AGPAT1: variants seen among roughly 807,000 people sequenced by gnomAD.
AGPAT1 encodes 1-acylglycerol-3-phosphate O-acyltransferase 1.
In AGPAT1, 6 loss-of-function variants were observed where a neutral mutation model predicts 31.2. The ratio of observed to expected loss-of-function variants is 0.19; its 90% CI spans 0.11 to 0.38. AGPAT1 has a LOEUF of 0.38. AGPAT1 is among the 10% of genes least tolerant of loss of function. AGPAT1 has a pLI of 1.00. For missense variants in AGPAT1, 187 were observed against 377.8 expected, an observed-to-expected ratio of 0.49 and a Z score of 4.19; for synonymous variants, 139 against 154.0, an observed-to-expected ratio of 0.90 and a Z score of 0.72.
rs563827769 is a variant in AGPAT1 at position 32,174,371 on chromosome 6, G to A, written c.-10+1443C>T. 1.1e-4 allele frequency among the ~76,000 whole-genome samples: 16 copies of A among 152,260 alleles called. No homozygotes were observed. The highest frequency in any genetic ancestry group is 3.9e-4 in the African/African-American group (16 of 41,536). The stretch of plus-strand genomic sequence containing the variant: ...GAACACACCAAGCCTAATGGTAACC[G>A]ACTCTGAATAGATACATGCAATACA... On this transcript the variant is annotated intron_variant, in intron 1 of 6. Transcript: ENST00000375107. This position sits in a 1 kb window ranked among gnomAD's most constrained non-coding sequence, Gnocchi z 4.5.
chr6:32,175,831 C>T lies in AGPAT1; in HGVS notation c.-27G>A. On this transcript the variant is annotated 5_prime_UTR_variant, in exon 1 of 7. Transcript: ENST00000375107. The surrounding 1 kb of genome is among the most constrained non-coding windows in gnomAD (Gnocchi z 4.5). Reference sequence around the variant, plus strand: ...GCCCACACCTCAGAGGGGTAGGGGGCCTGGGGGGCTGGCCCCCTCCCCAGC... The same window carrying T: ...GCCCACACCTCAGAGGGGTAGGGGGTCTGGGGGGCTGGCCCCCTCCCCAGC... 2.0e-6 allele frequency: 2 copies of T among 986,066 alleles called. No individual in the cohort carries two copies. Among genetic ancestry groups the T allele is most frequent in the African/African-American group, 1.7e-5 (1 of 57,350 alleles). 61.1% of individuals were successfully genotyped at this position (986,066 alleles called of 1,614,324 possible).
rs2127417752 is a variant in AGPAT1 at position 32,172,584 on chromosome 6, T to C, written c.-9-1079A>G. Among the ~76,000 whole-genome samples, 1 of 152,338 alleles carries C rather than the reference T, an allele frequency of 6.6e-6. No individual in the cohort carries two copies. Among genetic ancestry groups the C allele is most frequent in the African/African-American group, 2.4e-5 (1 of 41,576 alleles). On this transcript the variant is annotated intron_variant, in intron 1 of 6. Transcript: ENST00000375107. The surrounding 1 kb of genome is among the most constrained non-coding windows in gnomAD (Gnocchi z 4.3). ...AGGCTAAATAACTTACCTGAGGTCA[T>C]ACAGCTCCTAAACAGCAGTTTCTAG...
At chr6:32,176,487 A>ATG (rs1785568581), upstream of AGPAT1, 1 of 985,270 alleles carries the variant, frequency 1.0e-6, no homozygotes, top group East Asian at 1.1e-4. Flanking sequence ...TCAATTCTAA[A>ATG]CATTTATCAA....
At chr6:32,176,419 G>C (rs533675645), upstream of AGPAT1, 128 of 869,714 alleles carry the variant, frequency 1.5e-4, 3 homozygotes, top group South Asian at 2.0e-3. Context: ...TCTCAACTCC[G>C]GTTATCTGCT....
Position 32,171,633 on chromosome 6 carries a change from G to T in AGPAT1, c.-9-128C>A, listed in dbSNP as rs1785115484. Reference sequence around the variant, plus strand: ...GGCCTGAGACACAAACTGGGGCAGGGGTCTCATTGAAACCTTCCCAGGAAG... The same window carrying T: ...GGCCTGAGACACAAACTGGGGCAGGTGTCTCATTGAAACCTTCCCAGGAAG... On this transcript the variant is annotated intron_variant, in intron 1 of 6. Transcript: ENST00000375107. This position sits in a 1 kb window ranked among gnomAD's most constrained non-coding sequence, Gnocchi z 6.9. The T allele has an allele frequency of 7.6e-7, 1 of 1,309,058 alleles. No homozygotes were observed. Among genetic ancestry groups the T allele is most frequent in the Admixed American group, 2.2e-5 (1 of 46,006 alleles). 81.1% of individuals were successfully genotyped at this position (1,309,058 alleles called of 1,614,324 possible). A position where few individuals can be genotyped will look rare whatever the true frequency, so the allele number is the denominator to read the frequency against.
At chr6:32,176,362 C>T, upstream of AGPAT1, 3 of 445,774 alleles carry the variant, frequency 6.7e-6, no homozygotes, top group Non-Finnish European at 8.9e-6. Context: ...TTCCTTTATT[C>T]TCCATCAGCT....
rs577858626 is a variant in AGPAT1, at chr6:32,175,508, C to A, written c.-10+306G>T. On this transcript the variant is annotated intron_variant, in intron 1 of 6. Coordinates refer to ENST00000375107, the MANE Select transcript of AGPAT1 (RefSeq NM_006411.4). The surrounding 1 kb of genome is among the most constrained non-coding windows in gnomAD (Gnocchi z 4.5). The stretch of plus-strand genomic sequence containing the variant: ...TGACCCTTCAAGAGTCATGTGGGGT[C>A]AAAGGGCAAGAAAAGGAATTGGGGA... Among the ~76,000 whole-genome samples the A allele has an allele frequency of 6.6e-6, 1 of 152,186 alleles. No homozygotes were observed. Among genetic ancestry groups the A allele is most frequent in the African/African-American group, 2.4e-5 (1 of 41,510 alleles).
chr6:32,171,183 CCT>C lies in AGPAT1; in HGVS notation c.200+112_200+113del, dbSNP rs1785064947. On this transcript the variant is annotated intron_variant, in intron 2 of 6. Transcript: ENST00000375107. This position sits in a 1 kb window ranked among gnomAD's most constrained non-coding sequence, Gnocchi z 6.9. ...CACCTTTGCAGTCCTCTCCCCATTC[CCT>C]GTCTCTGGTCTCTCTCAGTCTTTTC... 3 of 1,591,864 alleles carry C rather than the reference CCT, an allele frequency of 1.9e-6. No individual in the cohort carries two copies. The highest frequency in any genetic ancestry group is 1.7e-6 in the Non-Finnish European group (2 of 1,166,840).
chr6:32,176,776 G>A (rs1489608134), upstream of AGPAT1: 1 of 368,102 alleles, frequency 2.7e-6, no homozygotes, highest in Non-Finnish European at 4.8e-6. Context: ...CTCCTTACTT[G>A]CCCAAGCTGA....
rs777896622 is a variant in AGPAT1 at position 32,169,284 on chromosome 6, C to T, written c.844G>A (p.Gly282Ser). 2.5e-5 allele frequency: 40 copies of T among 1,612,536 alleles called. No homozygotes were observed. The highest frequency in any genetic ancestry group is 8.8e-5 in the South Asian group (8 of 91,062). ...GAGCTCAGAGCCAGGGTTCACCCAC[C>T]GCCCCCAGGCTTCTTCAGATAGTCA... is the stretch of plus-strand genomic sequence containing the variant. ...GGDYLKKPGG[G>S]G Residue 282 changes from glycine to serine, a missense_variant, in exon 7 of 7, where the codon GGT becomes AGT. Around this residue, in one of 3 missense-constraint regions of AGPAT1, gnomAD observed 29 missense variants for 33.8 expected, o/e 0.86. Transcript: ENST00000375107. The surrounding 1 kb of genome is among the most constrained non-coding windows in gnomAD (Gnocchi z 5.9).
Position 32,175,800 on chromosome 6 carries a change from T to A in AGPAT1, c.-10+14A>T. On this transcript the variant is annotated intron_variant, in intron 1 of 6. Coordinates refer to ENST00000375107, the MANE Select transcript of AGPAT1 (RefSeq NM_006411.4). The surrounding 1 kb of genome is among the most constrained non-coding windows in gnomAD (Gnocchi z 4.5). ...CCCTCTTCCCTCCTCCTCCCATCCC[T>A]TTCCCGCCCACACCTCAGAGGGGTA... 3.2e-5 allele frequency: 31 copies of A among 981,492 alleles called. No homozygotes were observed. Among genetic ancestry groups the A allele is most frequent in the Non-Finnish European group, 3.8e-5 (31 of 826,458 alleles). The allele number at this position is 981,492 out of a possible 1,614,324, so 60.8% of individuals were successfully genotyped here.
rs1784822938 is a variant in AGPAT1 at position 32,169,174 on chromosome 6, G to A, written c.*102C>T. 1 of 1,240,908 alleles carries A rather than the reference G, an allele frequency of 8.1e-7. No individual in the cohort carries two copies. Among genetic ancestry groups the A allele is most frequent in the Non-Finnish European group, 1.1e-6 (1 of 874,812 alleles). 76.9% of individuals were successfully genotyped at this position (1,240,908 alleles called of 1,614,324 possible). A position where few individuals can be genotyped will look rare whatever the true frequency, so the allele number is the denominator to read the frequency against. ...CAAAGAGGAGAATAAGTGGGGAGAG[G>A]GGAGACAAGGAAGAGGGTTTGGCCC... On this transcript the variant is annotated 3_prime_UTR_variant, in exon 7 of 7. Transcript: ENST00000375107. This position sits in a 1 kb window ranked among gnomAD's most constrained non-coding sequence, Gnocchi z 5.9.
In AGPAT1 at chr6:32,169,178, G is replaced by A; in HGVS notation, c.*98C>T. The A allele has an allele frequency of 2.3e-6, 3 of 1,298,872 alleles. No homozygotes were observed. The highest frequency in any genetic ancestry group is 2.1e-5 in the Admixed American group (1 of 48,292). 80.5% of individuals were successfully genotyped at this position (1,298,872 alleles called of 1,614,324 possible). ...GAGGAGAATAAGTGGGGAGAGGGGA[G>A]ACAAGGAAGAGGGTTTGGCCCTGCT... On this transcript the variant is annotated 3_prime_UTR_variant, in exon 7 of 7. Transcript: ENST00000375107. This position sits in a 1 kb window ranked among gnomAD's most constrained non-coding sequence, Gnocchi z 5.9.
At position 32,170,144 on chromosome 6, in the gene AGPAT1, A is replaced by T. The variant is rs1287011597; in HGVS notation, c.606+21T>A. 6.2e-7 allele frequency: 1 copy of T among 1,613,612 alleles called. No homozygotes were observed. On this transcript the variant is annotated intron_variant, in intron 5 of 6. Coordinates refer to ENST00000375107, the MANE Select transcript of AGPAT1 (RefSeq NM_006411.4). The surrounding 1 kb of genome is among the most constrained non-coding windows in gnomAD (Gnocchi z 7.7). ...TGGTGGGGGTTGGCAGCTGAGTAGC[A>T]GAACGAAGAGCAGTAGTCACCTGGG... is the stretch of plus-strand genomic sequence containing the variant.
At position 32,172,171 on chromosome 6, in the gene AGPAT1, G is replaced by GC. The variant is rs1304146692; in HGVS notation, c.-9-667dup. The stretch of plus-strand genomic sequence containing the variant: ...TACTAAAAATACAAAAATTAGCCGG[G>GC]CCTGTTGGCGCATGCCTTTAATCCC... On this transcript the variant is annotated intron_variant, in intron 1 of 6. Coordinates refer to ENST00000375107, the MANE Select transcript of AGPAT1 (RefSeq NM_006411.4). The surrounding 1 kb of genome is among the most constrained non-coding windows in gnomAD (Gnocchi z 4.3). Among the ~76,000 whole-genome samples the GC allele has an allele frequency of 6.6e-6, 1 of 152,130 alleles. No individual in the cohort carries two copies. The highest frequency in any genetic ancestry group is 1.5e-5 in the Non-Finnish European group (1 of 68,028).
Position 32,170,380 on chromosome 6 carries a change from C to T in AGPAT1, c.510+45G>A, listed in dbSNP as rs1784976762. Reference sequence around the variant, plus strand: ...GCATATCAGTTTATTTACAACTGTTCTACTCTGTATCCCTCCAATCCCCCA... The same window carrying T: ...GCATATCAGTTTATTTACAACTGTTTTACTCTGTATCCCTCCAATCCCCCA... On this transcript the variant is annotated intron_variant, in intron 4 of 6. Transcript: ENST00000375107. The surrounding 1 kb of genome is among the most constrained non-coding windows in gnomAD (Gnocchi z 7.7). 2 of 1,613,424 alleles carry T rather than the reference C, an allele frequency of 1.2e-6. No individual in the cohort carries two copies. The highest frequency in any genetic ancestry group is 1.7e-6 in the Non-Finnish European group (2 of 1,179,576).
chr6:32,175,702 A>T lies in AGPAT1; in HGVS notation c.-10+112T>A. 4.0e-6 allele frequency: 2 copies of T among 499,532 alleles called. No homozygotes were observed. Among genetic ancestry groups the T allele is most frequent in the East Asian group, 3.0e-4 (2 of 6,590 alleles). The allele number at this position is 499,532 out of a possible 1,614,324, so 30.9% of individuals were successfully genotyped here. On this transcript the variant is annotated intron_variant, in intron 1 of 6. Transcript: ENST00000375107. This position sits in a 1 kb window ranked among gnomAD's most constrained non-coding sequence, Gnocchi z 4.5. ...CCCAGTCGGCCCCTCTCCTTTCCCC[A>T]GCAACCCTCTCCCCCAGTCGGCCCT... is the stretch of plus-strand genomic sequence containing the variant.
Position 32,169,893 on chromosome 6 carries a change from C to G in AGPAT1, c.679+73G>C, listed in dbSNP as rs755688459. 7.5e-7 allele frequency: 1 copy of G among 1,332,940 alleles called. No homozygotes were observed. The highest frequency in any genetic ancestry group is 2.3e-5 in the East Asian group (1 of 43,372). The allele number at this position is 1,332,940 out of a possible 1,614,324, so 82.6% of individuals were successfully genotyped here. Reference sequence around the variant, plus strand: ...TCTCATGGCTCTGACACTGAATGATCCCCCTGCCTCACAGGGATGTCCTCC... The same window carrying G: ...TCTCATGGCTCTGACACTGAATGATGCCCCTGCCTCACAGGGATGTCCTCC... On this transcript the variant is annotated intron_variant, in intron 6 of 6. Coordinates refer to ENST00000375107, the MANE Select transcript of AGPAT1 (RefSeq NM_006411.4). This position sits in a 1 kb window ranked among gnomAD's most constrained non-coding sequence, Gnocchi z 5.9.
In AGPAT1 at chr6:32,171,215, C is replaced by T. The variant is rs1334508340; in HGVS notation, c.200+82G>A. 9 of 1,606,070 alleles carry T rather than the reference C, an allele frequency of 5.6e-6. No homozygotes were observed. The highest frequency in any genetic ancestry group is 7.7e-6 in the Non-Finnish European group (9 of 1,175,780). On this transcript the variant is annotated intron_variant, in intron 2 of 6. Transcript: ENST00000375107. This position sits in a 1 kb window ranked among gnomAD's most constrained non-coding sequence, Gnocchi z 6.9. ...CTGGTCTCTCTCAGTCTTTTCTACA[C>T]ACACCATGCCCCCTTCCCCCAATCC... is the stretch of plus-strand genomic sequence containing the variant.
Sources: gnomAD v4.1 joint callset for allele counts (sites outside exome capture counted in the v4.1 genomes callset) on GRCh38, gnomAD v4.1.1 for gene constraint, gnomAD v4.1.1 regional missense constraint, Gnocchi (gnomAD v3.1) non-coding constraint, MANE v1.5 for transcripts, NCBI Gene and HGNC (gene_info 2026-07-23, HGNC 2026-07-21) for gene names.